The following INVS variants were observed in gnomAD, a reference collection of about 807,000 sequenced individuals.
INVS encodes inversin.
Under a neutral mutation model 108.8 loss-of-function variants are expected in INVS, and 86 were observed. The ratio of observed to expected loss-of-function variants is 0.79; its 90% CI spans 0.66 to 0.95. INVS has a LOEUF of 0.95. Ranked by LOEUF, INVS falls within the 40% of genes least tolerant of loss-of-function variation. The probability of loss-of-function intolerance (pLI) is 0.00; values close to 1 mark genes in which losing one functional copy is unlikely to be tolerated. For missense variants in INVS, 1,169 were observed against 1,297.4 expected (o/e 0.90, Z 1.52); for synonymous variants, 455 against 473.5 (o/e 0.96, Z 0.51).
chr9:100,161,308 G>A (rs537967459), intron 3 of INVS, among the ~76,000 whole-genome samples: 2 of 133,166 alleles, frequency 1.5e-5, no homozygotes, highest in East Asian at 2.4e-4. Context: ...CTCAGGAGAC[G>A]AGATCGCACC....
At chr9:100,261,309 A>C (rs1832615472) in intron 10 of INVS, among the ~76,000 whole-genome samples, 2 of 144,804 alleles carry the variant, frequency 1.4e-5, no homozygotes, top group African/African-American at 2.6e-5. Flanking sequence ...TCTGTCACCC[A>C]AGCTGGAGTG....
At chr9:100,107,100 A>G (rs1827204530) in intron 2 of INVS, among the ~76,000 whole-genome samples, 1 of 152,216 alleles carries the variant, frequency 6.6e-6, no homozygotes, top group South Asian at 2.1e-4. Context: ...TGAAGTATAC[A>G]TATAGAGAAG....
intron 5 of INVS, among the ~76,000 whole-genome samples, chr9:100,237,758 A>G (rs900597662): frequency 5.3e-5 from 8 of 152,118 alleles, no homozygotes; most frequent in African/African-American, 1.7e-4. Flanking sequence ...CACCTTCTGC[A>G]TTGGTCTCAC....
chr9:100,180,654 A>T (rs1446718700), intron 3 of INVS, among the ~76,000 whole-genome samples: 7 of 152,182 alleles, frequency 4.6e-5, no homozygotes, highest in Non-Finnish European at 1.5e-5. Flanking sequence ...AGCAACCTCC[A>T]AAAACCCAGG....
At chr9:100,244,227 T>C (rs1028751807) in intron 7 of INVS, among the ~76,000 whole-genome samples, 5 of 152,196 alleles carry the variant, frequency 3.3e-5, no homozygotes, top group Non-Finnish European at 7.3e-5. Context: ...GACAAATCAT[T>C]ATCTATTATC....
chr9:100,123,647 T>C (rs1399438789), intron 2 of INVS, among the ~76,000 whole-genome samples: 1 of 152,240 alleles, frequency 6.6e-6, no homozygotes, highest in Non-Finnish European at 1.5e-5. Context: ...AATTGCTGGG[T>C]CAAATGGTTA....
At chr9:100,229,982 T>C (rs541373527) in intron 5 of INVS, among the ~76,000 whole-genome samples, 155 bp downstream of exon 5, 2 of 152,258 alleles carry the variant, frequency 1.3e-5, no homozygotes, top group Admixed American at 1.3e-4. Flanking sequence ...AAGTAGAACA[T>C]TTCAGTACCA....
At chr9:100,143,146 G>A (rs1386221188) in intron 3 of INVS, among the ~76,000 whole-genome samples, 1 of 152,126 alleles carries the variant, frequency 6.6e-6, no homozygotes, top group East Asian at 1.9e-4. Context: ...CTGGGATGAA[G>A]GGTGCAAAGG....
At chr9:100,198,454 G>A (rs751774952) in intron 3 of INVS, among the ~76,000 whole-genome samples, 2 of 150,996 alleles carry the variant, frequency 1.3e-5, no homozygotes, top group South Asian at 2.1e-4. Flanking sequence ...ACCAGGTCCC[G>A]CTAATTTTGT....
At chr9:100,290,759 G>T (rs998417290) in intron 13 of INVS, among the ~76,000 whole-genome samples, 1 of 152,122 alleles carries the variant, frequency 6.6e-6, no homozygotes, top group African/African-American at 2.4e-5. Flanking sequence ...TGTTGCTCAG[G>T]CTGGAGTGCA....
intron 9 of INVS, 67 bp downstream of exon 9, chr9:100,252,505 A>C: frequency 7.0e-7 from 1 of 1,428,060 alleles, no homozygotes; most frequent in Non-Finnish European, 9.8e-7. Flanking sequence ...TACTCTGTTT[A>C]AGATAAAGCT....
At chr9:100,192,978 C>CTTTTTTT (rs59924532) in intron 3 of INVS, among the ~76,000 whole-genome samples, 1 of 136,974 alleles carries the variant, frequency 7.3e-6, no homozygotes, top group Non-Finnish European at 1.6e-5. Flanking sequence ...ATACCAATGT[C>CTTTTTTT]TTTTTTTTTT....
At chr9:100,222,673 T>A (rs1055141978) in intron 3 of INVS, among the ~76,000 whole-genome samples, 1 of 152,176 alleles carries the variant, frequency 6.6e-6, no homozygotes, top group East Asian at 1.9e-4. Context: ...CCTTTTCCTC[T>A]AATTTCCAAT....
At chr9:100,210,716 A>G (rs1183149692) in intron 3 of INVS, among the ~76,000 whole-genome samples, 2 of 152,024 alleles carry the variant, frequency 1.3e-5, no homozygotes, top group Non-Finnish European at 2.9e-5. Context: ...AGCTTCCCCA[A>G]CTCTTAGCAT....
At chr9:100,278,960 A>G (rs1049373030) in intron 12 of INVS, among the ~76,000 whole-genome samples, 3 of 152,266 alleles carry the variant, frequency 2.0e-5, no homozygotes, top group Non-Finnish European at 2.9e-5. Flanking sequence ...ATACTTGAAC[A>G]TGAAACCATG....
rs376338741 is a variant in INVS, at chr9:100,150,462, A to G, written c.273+23913A>G. Among the ~76,000 whole-genome samples, 31 of 152,338 alleles carry G rather than the reference A, an allele frequency of 2.0e-4. No individual in the cohort carries two copies. In the East Asian group the frequency reaches 3.5e-3, roughly 17 times the overall value. On this transcript the variant is annotated intron_variant, in intron 3 of 16. Coordinates refer to ENST00000262457, the MANE Select transcript of INVS (RefSeq NM_014425.5). ...CGATGAAACCTACAGCTTGTTTTTC[A>G]TTAGACTCATGCTGGTTTCTTTTAA...
In INVS at chr9:100,226,225, A is replaced by G. The variant is rs766778206; in HGVS notation, c.437A>G (p.Asp146Gly). The G allele has an allele frequency of 1.2e-6, 2 of 1,613,790 alleles. No individual in the cohort carries two copies. Among genetic ancestry groups the G allele is most frequent in the African/African-American group, 2.7e-5 (2 of 74,918 alleles). Reference sequence around the variant, plus strand: ...GCACCAGGAGAAGTGGATACACAGGATAAAAACAAGGTAATGGATACTCAA... The same window carrying G: ...GCACCAGGAGAAGTGGATACACAGGGTAAAAACAAGGTAATGGATACTCAA... Reference protein sequence around the residue: ...FMAPGEVDTQDKNKQTALHWS... With the variant: ...FMAPGEVDTQGKNKQTALHWS... The change falls in exon 4 of 17, where the codon GAT (aspartate) becomes GGT (glycine). Residue 146 changes from aspartate (D) to glycine (G), a missense_variant. Asp to Gly is a moderately conservative substitution (Grantham distance 94). This residue lies in a region of INVS where 365 missense variants were observed against 397.5 expected (regional missense o/e 0.92). Coordinates refer to ENST00000262457, the MANE Select transcript of INVS (RefSeq NM_014425.5).
At chr9:100,259,364 C>T (rs1468755057) in intron 10 of INVS, among the ~76,000 whole-genome samples, 1 of 152,116 alleles carries the variant, frequency 6.6e-6, no homozygotes, top group Non-Finnish European at 1.5e-5. Context: ...CGACCCCTTG[C>T]ACTTTCTGGG....
At chr9:100,269,645 A>G (rs1165270917) in intron 11 of INVS, among the ~76,000 whole-genome samples, 1 of 152,170 alleles carries the variant, frequency 6.6e-6, no homozygotes, top group Non-Finnish European at 1.5e-5. Context: ...TTTTTTTTCT[A>G]TAATCAGATG....
Sources: allele counts gnomAD v4.1 joint callset (sites outside exome capture counted in the v4.1 genomes callset), GRCh38; gene constraint gnomAD v4.1.1; regional missense constraint gnomAD v4.1.1; transcripts MANE v1.5; gene names NCBI Gene and HGNC (gene_info 2026-07-23, HGNC 2026-07-21).